Variants in CDC42BPG observed in about 807,000 individuals in gnomAD.
CDC42BPG encodes serine/threonine-protein kinase MRCK gamma.
In CDC42BPG, 157 loss-of-function variants were observed where a neutral mutation model predicts 192.2. The observed-to-expected ratio is 0.82, with a 90% CI of 0.72 to 0.93. The LOEUF is 0.93. Among genes scored for constraint, CDC42BPG ranks in the 40% least tolerant of loss-of-function variants. The probability of loss-of-function intolerance (pLI) is 0.00; values close to 1 mark genes in which losing one functional copy is unlikely to be tolerated. For synonymous variants in CDC42BPG, 981 were observed against 918.5 expected (o/e 1.07, Z -1.23); for missense variants, 1,992 against 2,122.1 (o/e 0.94, Z 1.20).
intron 11 of CDC42BPG, 28 bp downstream of exon 11, chr11:64,836,711 G>GGGT (rs1555173139): frequency 4.9e-6 from 3 of 608,676 alleles, no homozygotes; most frequent in South Asian, 2.3e-5. Flanking sequence ...AGCCCTGGGG[G>GGGT]GGGGGGGGGG....
In CDC42BPG at chr11:64,833,968, G is replaced by A. The variant is rs138803079; in HGVS notation, c.2423C>T (p.Pro808Leu). 200 of 1,614,230 alleles carry A rather than the reference G, an allele frequency of 1.2e-4. No homozygotes were observed. The highest frequency in any genetic ancestry group is 1.6e-4 in the Non-Finnish European group (193 of 1,180,032). ...CAGGAAGGGAATCAGGGAGTTTGAG[G>A]GCTTGGTGTCTGCAAAGAAAGGGTG... ...LRARGPVDTK[P>L]SNSLIPFLSF... The change falls in exon 21 of 37, where the codon CCC (proline) becomes CTC (leucine). Residue 808 changes from proline (P) to leucine (L), a missense_variant. Around this residue, in one of 2 missense-constraint regions of CDC42BPG, gnomAD observed 1,656 missense variants for 1,844.3 expected, o/e 0.90. Transcript: ENST00000342711.
At chr11:64,838,594 T>A (rs1033603761) in intron 8 of CDC42BPG, 60 bp downstream of exon 8, 2 of 1,594,274 alleles carry the variant, frequency 1.3e-6, no homozygotes, top group East Asian at 2.2e-5. Flanking sequence ...AGAGGGAGGG[T>A]TCCCCCAGCC....
Position 64,826,335 on chromosome 11 carries a change from T to A in CDC42BPG, c.4599+135A>T, listed in dbSNP as rs911977324. The A allele has an allele frequency of 1.6e-5, 11 of 677,180 alleles. No individual in the cohort carries two copies. The Admixed American group carries it at 2.6e-4, about 16-fold the overall frequency. The allele number at this position is 677,180 out of a possible 1,614,324, so 41.9% of individuals were successfully genotyped here. Reference sequence around the variant, plus strand: ...ACTGGTGGGGTGAGACAGGTAAGAATCTGCATCTCGTAGAATCGAGGGCAG... The same window carrying A: ...ACTGGTGGGGTGAGACAGGTAAGAAACTGCATCTCGTAGAATCGAGGGCAG... On this transcript the variant is annotated intron_variant, in intron 36 of 36. Transcript: ENST00000342711.
At chr11:64,837,180 A>G (rs1179686498) in intron 9 of CDC42BPG, among the ~76,000 whole-genome samples, 161 bp from the exon 10 acceptor site, 2 of 152,252 alleles carry the variant, frequency 1.3e-5, no homozygotes, top group Non-Finnish European at 2.9e-5. Flanking sequence ...CCGGGGTAGC[A>G]GCTGCAGGGC....
intron 36 of CDC42BPG, among the ~76,000 whole-genome samples, chr11:64,825,657 A>AG (rs945983070): frequency 1.1e-4 from 17 of 152,144 alleles, no homozygotes; most frequent in Admixed American, 2.6e-4. Flanking sequence ...ACGTGGCTGC[A>AG]GGGGGAATGG....
At position 64,836,834 on chromosome 11, in the gene CDC42BPG, G is replaced by A. The variant is rs748610818; in HGVS notation, c.1304-15C>T. On this transcript the variant is annotated splice_polypyrimidine_tract_variant and intron_variant, in intron 10 of 36. Coordinates refer to ENST00000342711, the MANE Select transcript of CDC42BPG (RefSeq NM_017525.3). ...GTGCAGGGCCTCTGGAGGGGAGGTG[G>A]TACCCACAGGTGAGTCCACTCCTCC... 1.4e-5 allele frequency: 22 copies of A among 1,609,582 alleles called. No homozygotes were observed. The highest frequency in any genetic ancestry group is 1.8e-5 in the Non-Finnish European group (21 of 1,177,592).
chr11:64,836,764 C>T lies in CDC42BPG; in HGVS notation c.1359G>A (p.Val453=), dbSNP rs149587549. 5 of 1,550,474 alleles carry T rather than the reference C, an allele frequency of 3.2e-6. No individual in the cohort carries two copies. In the South Asian group the frequency reaches 5.9e-5, roughly 18 times the overall value. ...CTGGCAGCCTGTCCCGCAGAGTCTG[C>T]ACTTCCTTCCGTAGCTGCTCCAGCT... The part of the protein sequence containing the change: ...HRELEQLRKE[V]QTLRDRLPEM... The change falls in exon 11 of 37, where the codon GTG becomes GTA. Residue 453 remains valine (V), a synonymous_variant. Transcript: ENST00000342711.
In CDC42BPG at chr11:64,834,983, G is replaced by A; in HGVS notation, c.2061-20C>T. The A allele has an allele frequency of 1.2e-6, 2 of 1,613,536 alleles. No individual in the cohort carries two copies. The highest frequency in any genetic ancestry group is 8.5e-7 in the Non-Finnish European group (1 of 1,179,898). ...TTCACCCTGAATGGGAAGGGGCTCA[G>A]GGTCATGGGCTGGGCCCTCAGTCTC... On this transcript the variant is annotated intron_variant, in intron 17 of 36. Coordinates refer to ENST00000342711, the MANE Select transcript of CDC42BPG (RefSeq NM_017525.3).
At chr11:64,832,548 C>A (rs1444574411) in intron 26 of CDC42BPG, 39 bp from the exon 27 acceptor site, 4 of 1,613,712 alleles carry the variant, frequency 2.5e-6, no homozygotes, top group Non-Finnish European at 3.4e-6. Flanking sequence ...TCTCCCTGTC[C>A]CTGACTGCCC....
intron 33 of CDC42BPG, 47 bp downstream of exon 33, chr11:64,827,231 C>T (rs764654834): frequency 1.9e-6 from 3 of 1,613,158 alleles, no homozygotes; most frequent in South Asian, 2.2e-5. Context: ...CGTCCACAAG[C>T]GGAGGCGGCC....
intron 17 of CDC42BPG, 30 bp downstream of exon 17, chr11:64,835,017 T>TGCCCCCCCCCCCCCCCCCCCCGCCCCC: frequency 6.4e-7 from 1 of 1,571,960 alleles, no homozygotes; most frequent in Non-Finnish European, 8.7e-7. Context: ...TCGCCTGCGT[T>TGCCCCCCCCCCCCCCCCCCCCGCCCCC]CCCCACCCCG....
chr11:64,842,845 T>A (rs952250612), intron 1 of CDC42BPG, among the ~76,000 whole-genome samples: 9 of 152,002 alleles, frequency 5.9e-5, no homozygotes, highest in Admixed American at 2.6e-4. Context: ...TGCCTCAGTT[T>A]CCCCCTGCCA....
intron 34 of CDC42BPG, 107 bp from the exon 35 acceptor site, chr11:64,826,901 G>A: frequency 7.6e-7 from 1 of 1,315,234 alleles, no homozygotes; most frequent in South Asian, 1.5e-5. Context: ...CCCCCAGCCT[G>A]GTTTTACTTA....
chr11:64,836,721 GGTGGGC>G lies in CDC42BPG; in HGVS notation c.1384+12_1384+17del. On this transcript the variant is annotated intron_variant, in intron 11 of 36. Coordinates refer to ENST00000342711, the MANE Select transcript of CDC42BPG (RefSeq NM_017525.3). The stretch of plus-strand genomic sequence containing the variant: ...GACTCAGCCCTGGGGGGGGGGGGGG[GGTGGGC>G]GGAAGGGATACCTGGCAGCCTGTCC... 1.2e-6 allele frequency: 1 copy of G among 857,204 alleles called. No homozygotes were observed. The highest frequency in any genetic ancestry group is 1.7e-6 in the Non-Finnish European group (1 of 595,166). The allele number at this position is 857,204 out of a possible 1,614,324, so 53.1% of individuals were successfully genotyped here.
At position 64,834,287 on chromosome 11, in the gene CDC42BPG, G is replaced by C; in HGVS notation, c.2392C>G (p.Leu798Val). Residue 798 changes from leucine (L) to valine (V), a missense_variant, in exon 20 of 37, where the codon CTG becomes GTG. Leu to Val is a conservative substitution (Grantham distance 32). Transcript: ENST00000342711. ...TCACCCACTGGCCCTCGGGCCCGCA[G>C]CTCCTCCCGCAGCATGGCGAGCTCC... ...QQELAMLREE[L>V]RARGPVDTKP... The C allele has an allele frequency of 6.3e-7, 1 of 1,577,698 alleles. No homozygotes were observed. Among genetic ancestry groups the C allele is most frequent in the Non-Finnish European group, 8.6e-7 (1 of 1,167,260 alleles).
chr11:64,829,802 A>AGGGCCC lies in CDC42BPG; in HGVS notation c.3630_3635dup (p.Gly1213_Pro1214dup). The AGGGCCC allele has an allele frequency of 1.2e-6, 2 of 1,603,134 alleles. No individual in the cohort carries two copies. The highest frequency in any genetic ancestry group is 8.5e-7 in the Non-Finnish European group (1 of 1,176,528). On this transcript the variant is annotated inframe_insertion, in exon 30 of 37. Coordinates refer to ENST00000342711, the MANE Select transcript of CDC42BPG (RefSeq NM_017525.3). ...CACGGATGCGGCGCTGCCAGGGCCC[A>AGGGCCC]GGGCCCGGGCCCAGCTGGTAGCAGA...
chr11:64,828,961 A>G (rs1277991726), intron 30 of CDC42BPG, among the ~76,000 whole-genome samples: 3 of 152,104 alleles, frequency 2.0e-5, no homozygotes, highest in East Asian at 1.9e-4. Context: ...GAGGCAGGAG[A>G]ATCACCTGAA....
At position 64,830,090 on chromosome 11, in the gene CDC42BPG, A is replaced by C; in HGVS notation, c.3368-20T>G. ...AGATGTCTGCAGGGTTGGCGAGGGG[A>C]GAGTGTCACTGGCAGGTGGTTGAAG... On this transcript the variant is annotated intron_variant, in intron 29 of 36. Coordinates refer to ENST00000342711, the MANE Select transcript of CDC42BPG (RefSeq NM_017525.3). 6.2e-7 allele frequency: 1 copy of C among 1,612,248 alleles called. No individual in the cohort carries two copies. Among genetic ancestry groups the C allele is most frequent in the Non-Finnish European group, 8.5e-7 (1 of 1,179,436 alleles).
At chr11:64,834,764 G>A in intron 18 of CDC42BPG, 85 bp downstream of exon 18, 13 of 1,404,726 alleles carry the variant, frequency 9.3e-6, no homozygotes, top group Non-Finnish European at 1.2e-5. Flanking sequence ...ACCTCCAGTA[G>A]TGACCTTCAG....
Sources: gnomAD v4.1 joint callset for allele counts (sites outside exome capture counted in the v4.1 genomes callset) on GRCh38, gnomAD v4.1.1 for gene constraint, gnomAD v4.1.1 regional missense constraint, MANE v1.5 for transcripts, NCBI Gene and HGNC (gene_info 2026-07-23, HGNC 2026-07-21) for gene names.